PDIA6: variants seen among roughly 807,000 people sequenced by gnomAD.
The protein encoded by PDIA6 is protein disulfide-isomerase A6.
PDIA6 carries 29 observed loss-of-function variants against 58.4 expected under a neutral mutation model. The observed-to-expected ratio is 0.50, with a 90% CI of 0.37 to 0.68. The LOEUF is 0.68. Among genes scored for constraint, PDIA6 ranks in the 30% least tolerant of loss-of-function variants. PDIA6 has a pLI of 0.00. For missense variants in PDIA6, 480 were observed against 551.0 expected (o/e 0.87, Z 1.29); for synonymous variants, 192 against 202.6 (o/e 0.95, Z 0.44).
chr2:10,785,611 G>A (rs1665688327), intron 11 of PDIA6, among the ~76,000 whole-genome samples: 1 of 152,040 alleles, frequency 6.6e-6, no homozygotes, highest in Non-Finnish European at 1.5e-5. Context: ...TGGCACCAAT[G>A]GGCTAGAATA....
upstream of PDIA6, among the ~76,000 whole-genome samples, chr2:10,817,480 AG>A (rs1165604913): frequency 6.6e-6 from 1 of 152,234 alleles, no homozygotes; most frequent in Non-Finnish European, 1.5e-5. Context: ...AGAGACTGCA[AG>A]CAATGAAAAT....
chr2:10,817,336 C>T (rs950259312), upstream of PDIA6, among the ~76,000 whole-genome samples: 2 of 152,128 alleles, frequency 1.3e-5, no homozygotes, highest in African/African-American at 4.8e-5. Context: ...GGCTGCAAAC[C>T]CCCTGTGTCT....
At chr2:10,820,954 C>T (rs561046633) in intron 1 of PDIA6, 52 of 676,856 alleles carry the variant, frequency 7.7e-5, no homozygotes, top group Admixed American at 1.9e-4. Flanking sequence ...CACTTCAGGA[C>T]CTGGGTTTGG....
intron 7 of PDIA6, 34 bp downstream of exon 7, chr2:10,790,685 T>C: frequency 6.9e-7 from 1 of 1,458,356 alleles, no homozygotes. Flanking sequence ...CACCATGTAT[T>C]TCACAATGAA....
rs181013383 is a variant in PDIA6, at chr2:10,799,784, C to T, written c.162-2027G>A. Among the ~76,000 whole-genome samples the T allele has an allele frequency of 3.7e-3, 566 of 151,934 alleles. 5 individuals are homozygous for T. The highest frequency in any genetic ancestry group is 0.013 in the African/African-American group (547 of 41,430). ...TTCATCCTCTCTTCTATTTGATCTG[C>T]ACATACATCATAATGCCACATACAT... On this transcript the variant is annotated intron_variant, in intron 2 of 12. Coordinates refer to ENST00000272227, the MANE Select transcript of PDIA6 (RefSeq NM_005742.4).
At chr2:10,819,300 G>A (rs1284792890) in exon 2 of PDIA6, 1 of 1,537,458 alleles carries the variant, frequency 6.5e-7, no homozygotes, top group South Asian at 1.2e-5. Flanking sequence ...GGTGGTTGAT[G>A]GATACATTAT....
Position 10,797,107 on chromosome 2 carries a change from T to C in PDIA6, c.320A>G (p.Asn107Ser). The C allele has an allele frequency of 6.2e-7, 1 of 1,613,584 alleles. No individual in the cohort carries two copies. Among genetic ancestry groups the C allele is most frequent in the Non-Finnish European group, 8.5e-7 (1 of 1,179,558 alleles). Reference sequence around the variant, plus strand: ...TTGGTAATCTTCTGGTCTGTTTTTGTTGGATCCAAAAATCTTAATGGTAGG... The same window carrying C: ...TTGGTAATCTTCTGGTCTGTTTTTGCTGGATCCAAAAATCTTAATGGTAGG... The part of the protein sequence containing the change: ...GFPTIKIFGS[N>S]KNRPEDYQGG... The change falls in exon 4 of 13, where the codon AAC becomes AGC. Residue 107 changes from asparagine (N) to serine (S), a missense_variant. Transcript: ENST00000272227.
At chr2:10,804,318 G>A (rs1196398814) in intron 1 of PDIA6, among the ~76,000 whole-genome samples, 1 of 147,554 alleles carries the variant, frequency 6.8e-6, no homozygotes, top group East Asian at 2.0e-4. Context: ...TAACGTTTAA[G>A]TCTTTAATCC....
chr2:10,810,133 T>G, intron 1 of PDIA6: 1 of 672,844 alleles, frequency 1.5e-6, no homozygotes, highest in Non-Finnish European at 2.6e-6. Flanking sequence ...ATCAGGCATT[T>G]TTCTAAACAT....
At chr2:10,807,101 G>T (rs555974782) in intron 1 of PDIA6, among the ~76,000 whole-genome samples, 1 of 152,256 alleles carries the variant, frequency 6.6e-6, no homozygotes, top group African/African-American at 2.4e-5. Flanking sequence ...ACAAAAATTT[G>T]CTGATTACCT....
rs953233839 is a variant in PDIA6, at chr2:10,827,167, A to C, written c.-48+5035T>G. 2.0e-5 allele frequency among the ~76,000 whole-genome samples: 3 copies of C among 152,094 alleles called. No homozygotes were observed. The East Asian group carries it at 5.8e-4, about 29-fold the overall frequency. On this transcript the variant is annotated intron_variant, in intron 1 of 13. Coordinates refer to the PDIA6 transcript ENST00000381611. Reference sequence around the variant, plus strand: ...CAACCTCCGCCTCCCGGGTTTAAGCAATTTCCTGCCTCAACCTCCTGAGTA... The same window carrying C: ...CAACCTCCGCCTCCCGGGTTTAAGCCATTTCCTGCCTCAACCTCCTGAGTA...
intron 1 of PDIA6, among the ~76,000 whole-genome samples, chr2:10,829,121 G>A (rs1001587025): frequency 6.6e-6 from 1 of 152,208 alleles, no homozygotes; most frequent in African/African-American, 2.4e-5. Flanking sequence ...TGCTTACCCG[G>A]TGTTGTGAAA....
upstream of PDIA6, among the ~76,000 whole-genome samples, chr2:10,813,088 C>T (rs1032029471): frequency 1.3e-5 from 2 of 152,060 alleles, no homozygotes; most frequent in Non-Finnish European, 2.9e-5. Flanking sequence ...TACCTTAGTT[C>T]CTTATTCTGC....
At chr2:10,835,057 T>C (rs1396459196), upstream of PDIA6, among the ~76,000 whole-genome samples, 1 of 152,094 alleles carries the variant, frequency 6.6e-6, no homozygotes, top group Non-Finnish European at 1.5e-5. Context: ...CATGAGCCAC[T>C]GTGCCTGGCG....
intron 1 of PDIA6, among the ~76,000 whole-genome samples, chr2:10,804,953 T>C (rs1367498923): frequency 9.1e-6 from 1 of 110,402 alleles, no homozygotes; most frequent in Non-Finnish European, 2.2e-5. Context: ...GGGAGTTCAC[T>C]CATGATTTGG....
intron 5 of PDIA6, among the ~76,000 whole-genome samples, 175 bp from the exon 6 acceptor site, chr2:10,792,100 G>C (rs1666062728): frequency 6.6e-6 from 1 of 152,198 alleles, no homozygotes; most frequent in Non-Finnish European, 1.5e-5. Flanking sequence ...TGTAATTTTT[G>C]CTTGGCAAAT....
chr2:10,825,974 A>G (rs767662445), intron 1 of PDIA6, among the ~76,000 whole-genome samples: 2 of 152,246 alleles, frequency 1.3e-5, no homozygotes, highest in Non-Finnish European at 2.9e-5. Context: ...ACTCCTAGGC[A>G]TCTACCCAAG....
At chr2:10,796,377 A>G (rs1267169570) in intron 4 of PDIA6, among the ~76,000 whole-genome samples, 1 of 152,108 alleles carries the variant, frequency 6.6e-6, no homozygotes, top group Non-Finnish European at 1.5e-5. Context: ...TAATTAAATA[A>G]CAAGACAATT....
chr2:10,793,106 G>A lies in PDIA6; in HGVS notation c.443C>T (p.Ser148Phe), dbSNP rs1364734112. ...RLGGRSGGYS[S>F]GKQGRSDSSS... is the part of the protein sequence containing the mutation. ...ATTTTATGGTCTTACTTGTTTTCCA[G>A]AACTGTATCCTCCGCTCCGTCCCCC... Residue 148 changes from serine to phenylalanine, a missense_variant, in exon 5 of 13, where the codon TCT becomes TTT. By Grantham distance (155) the Ser-to-Phe change is radical. Coordinates refer to ENST00000272227, the MANE Select transcript of PDIA6 (RefSeq NM_005742.4). 1.2e-6 allele frequency: 2 copies of A among 1,611,170 alleles called. No individual in the cohort carries two copies. Among genetic ancestry groups the A allele is most frequent in the South Asian group, 1.1e-5 (1 of 91,030 alleles).
Sources: gnomAD v4.1 joint callset for allele counts (sites outside exome capture counted in the v4.1 genomes callset) on GRCh38, gnomAD v4.1.1 for gene constraint, MANE v1.5 for transcripts, NCBI Gene and HGNC (gene_info 2026-07-23, HGNC 2026-07-21) for gene names.